Variants in SNX29 observed in about 807,000 individuals in gnomAD.
SNX29 encodes the protein sorting nexin-29.
SNX29 carries 78 observed loss-of-function variants against 102.1 expected under a neutral mutation model. The observed-to-expected ratio is 0.76, with a 90% CI of 0.64 to 0.92. The LOEUF (loss-of-function observed/expected upper bound fraction) is 0.92. Ranked by LOEUF, SNX29 falls within the 40% of genes least tolerant of loss-of-function variation. SNX29 has a pLI of 0.00. For missense variants in SNX29, 1,280 were observed against 1,061.7 expected, an observed-to-expected ratio of 1.21 and a Z score of -2.86; for synonymous variants, 580 against 414.5, an observed-to-expected ratio of 1.40 and a Z score of -4.85.
At chr16:12,468,432 G>A (rs1266058837) in intron 18 of SNX29, among the ~76,000 whole-genome samples, 3 of 151,898 alleles carry the variant, frequency 2.0e-5, no homozygotes, top group African/African-American at 7.3e-5. Context: ...GCCTTAGCCT[G>A]GGATTACAGG....
At chr16:12,273,576 T>G (rs1022447713) in intron 14 of SNX29, among the ~76,000 whole-genome samples, 2 of 152,152 alleles carry the variant, frequency 1.3e-5, no homozygotes, top group African/African-American at 4.8e-5. Context: ...CCAGCTGGTC[T>G]CGAACACTTG....
At chr16:12,556,043 G>C (rs773662809) in intron 20 of SNX29, among the ~76,000 whole-genome samples, 2 of 152,078 alleles carry the variant, frequency 1.3e-5, no homozygotes. Flanking sequence ...AGTGCTGAGT[G>C]ACGCTTAAAG....
intron 14 of SNX29, among the ~76,000 whole-genome samples, chr16:12,211,002 C>G (rs528868440): frequency 6.6e-6 from 1 of 152,168 alleles, no homozygotes; most frequent in Non-Finnish European, 1.5e-5. Context: ...AAGTTCCCAG[C>G]ACAGCCTTTA....
At chr16:12,550,744 G>T (rs2856780) in intron 20 of SNX29, among the ~76,000 whole-genome samples, 3 of 151,750 alleles carry the variant, frequency 2.0e-5, no homozygotes, top group Non-Finnish European at 2.9e-5. Flanking sequence ...ATTTAAAAAA[G>T]GTGATAAAAT....
chr16:12,312,978 G>T (rs1388120252), intron 15 of SNX29, among the ~76,000 whole-genome samples: 4 of 151,538 alleles, frequency 2.6e-5, no homozygotes, highest in African/African-American at 9.7e-5. Context: ...GTCTAGCATT[G>T]TCATAAAGGA....
intron 13 of SNX29, among the ~76,000 whole-genome samples, chr16:12,156,131 C>T (rs765288291): frequency 2.0e-5 from 3 of 152,224 alleles, no homozygotes; most frequent in Non-Finnish European, 1.5e-5. Context: ...AGACCCTCTT[C>T]CCCCAGAGAG....
intron 11 of SNX29, among the ~76,000 whole-genome samples, chr16:12,105,236 C>T (rs1437575485): frequency 7.6e-6 from 1 of 131,030 alleles, no homozygotes; most frequent in Non-Finnish European, 1.6e-5. Flanking sequence ...TCCCTTCCTT[C>T]CTTCCTTCCT....
At chr16:12,376,257 G>GC (rs1387705121) in intron 16 of SNX29, among the ~76,000 whole-genome samples, 1 of 152,048 alleles carries the variant, frequency 6.6e-6, no homozygotes. Context: ...ACCTTTACTG[G>GC]CCCCCCGGGA....
chr16:12,138,817 T>C (rs2054758242), intron 13 of SNX29, among the ~76,000 whole-genome samples: 1 of 152,112 alleles, frequency 6.6e-6, no homozygotes, highest in Admixed American at 6.5e-5. Flanking sequence ...GCACCAGAGC[T>C]GCCTCTTGAC....
intron 8 of SNX29, among the ~76,000 whole-genome samples, chr16:12,059,015 T>C (rs1448971821): frequency 6.6e-6 from 1 of 151,734 alleles, no homozygotes; most frequent in Non-Finnish European, 1.5e-5. Context: ...GTGATCCTTC[T>C]GCCTCGGCCT....
intron 15 of SNX29, among the ~76,000 whole-genome samples, chr16:12,303,835 C>T (rs1338231243): frequency 2.0e-5 from 3 of 152,192 alleles, no homozygotes; most frequent in Non-Finnish European, 4.4e-5. Flanking sequence ...GTTCACTGGG[C>T]GGAGTCACAG....
At position 12,054,941 on chromosome 16, in the gene SNX29, A is replaced by G. The variant is rs1201363743; in HGVS notation, c.1124+2719A>G. Among the ~76,000 whole-genome samples, 4 of 152,280 alleles carry G rather than the reference A, an allele frequency of 2.6e-5. No individual in the cohort carries two copies. In the East Asian group the frequency reaches 7.7e-4, roughly 29 times the overall value. On this transcript the variant is annotated intron_variant, in intron 8 of 20. Coordinates refer to ENST00000566228, the MANE Select transcript of SNX29 (RefSeq NM_032167.5). ...CAGCGGATCTCAAATGAATATTTTC[A>G]CACGCAAGATTTTTTTCCTACGAGT...
chr16:12,145,859 AG>A (rs2055045980), intron 13 of SNX29, among the ~76,000 whole-genome samples: 1 of 152,054 alleles, frequency 6.6e-6, no homozygotes, highest in Non-Finnish European at 1.5e-5. Context: ...TTTCCCTTGT[AG>A]GATTAGTATT....
chr16:12,106,443 AGGCCCCCTCCTC>A (rs1480454421), intron 11 of SNX29, among the ~76,000 whole-genome samples: 3 of 151,766 alleles, frequency 2.0e-5, no homozygotes, highest in African/African-American at 4.8e-5. Context: ...AGCGGAGATA[AGGCCCCCTCCTC>A]GGCCCCCTCC....
intron 1 of SNX29, among the ~76,000 whole-genome samples, chr16:11,993,849 G>C (rs539768387): frequency 6.6e-6 from 1 of 152,144 alleles, no homozygotes; most frequent in Non-Finnish European, 1.5e-5. Context: ...GGCCGGGCGC[G>C]GTGGCTCATG....
chr16:12,180,552 C>T (rs1026892014), intron 13 of SNX29, among the ~76,000 whole-genome samples: 29 of 151,740 alleles, frequency 1.9e-4, no homozygotes, highest in Non-Finnish European at 3.7e-4. Flanking sequence ...GGCGCGATCT[C>T]GGCTCACTGC....
intron 14 of SNX29, among the ~76,000 whole-genome samples, chr16:12,203,523 G>A (rs1486291661): frequency 4.0e-5 from 6 of 149,442 alleles, no homozygotes; most frequent in South Asian, 2.1e-4. Flanking sequence ...GTGTGGCCTC[G>A]CTGTCAGTTG....
chr16:12,082,321 C>T (rs1471325831), intron 11 of SNX29, among the ~76,000 whole-genome samples: 10 of 152,064 alleles, frequency 6.6e-5, no homozygotes, highest in Non-Finnish European at 2.9e-5. Flanking sequence ...CATTCTGTTT[C>T]CCAAGAGTTC....
chr16:12,036,116 C>G (rs1159228552), intron 4 of SNX29, among the ~76,000 whole-genome samples: 4 of 152,066 alleles, frequency 2.6e-5, no homozygotes, highest in African/African-American at 7.2e-5. Context: ...GCTCTGTTAA[C>G]TAGGCTGGAG....
Sources: gnomAD v4.1 joint callset for allele counts (sites outside exome capture counted in the v4.1 genomes callset) on GRCh38, gnomAD v4.1.1 for gene constraint, MANE v1.5 for transcripts, NCBI Gene and HGNC (gene_info 2026-07-23, HGNC 2026-07-21) for gene names.